The following ST3GAL1 variants were observed in gnomAD, a reference collection of about 807,000 sequenced individuals.
ST3GAL1 encodes the protein CMP-N-acetylneuraminate-beta-galactosamide-alpha-2,3-sialyltransferase 1.
A neutral mutation model predicts 34.1 loss-of-function variants in ST3GAL1; 16 were observed. That is an observed-to-expected ratio of 0.47 (90% CI 0.32 to 0.71). ST3GAL1 has a LOEUF of 0.71. Ranked by LOEUF, ST3GAL1 falls within the 30% of genes least tolerant of loss-of-function variation. The probability of loss-of-function intolerance (pLI) is 0.04; values close to 1 mark genes in which losing one functional copy is unlikely to be tolerated. For synonymous variants in ST3GAL1, 191 were observed against 184.7 expected (o/e 1.03, Z -0.28); for missense variants, 353 against 447.4 (o/e 0.79, Z 1.90).
At chr8:133,496,861 G>C (rs1040454576) in intron 3 of ST3GAL1, among the ~76,000 whole-genome samples, 25 of 152,214 alleles carry the variant, frequency 1.6e-4, no homozygotes, top group Non-Finnish European at 2.9e-5. Context: ...CCCCTCTTCC[G>C]AGTTCTTGGC....
At chr8:133,500,640 T>C (rs1817120996) in intron 2 of ST3GAL1, among the ~76,000 whole-genome samples, 2 of 152,174 alleles carry the variant, frequency 1.3e-5, no homozygotes, top group Admixed American at 1.3e-4. Context: ...TTAACCTCAC[T>C]GTGCCTCAGT....
At chr8:133,507,613 T>C (rs775511898) in intron 2 of ST3GAL1, among the ~76,000 whole-genome samples, 18 of 152,188 alleles carry the variant, frequency 1.2e-4, no homozygotes, top group Non-Finnish European at 2.6e-4. Flanking sequence ...TGGCACATTG[T>C]AGGGACATGA....
chr8:133,522,134 A>T (rs947995725), intron 2 of ST3GAL1, among the ~76,000 whole-genome samples: 1 of 152,206 alleles, frequency 6.6e-6, no homozygotes, highest in Non-Finnish European at 1.5e-5. Context: ...CAAGAGCTAT[A>T]TAGAATGGGG....
At chr8:133,465,808 C>T (rs920377408) in intron 6 of ST3GAL1, 86 bp downstream of exon 6, 10 of 1,483,136 alleles carry the variant, frequency 6.7e-6, no homozygotes, top group Admixed American at 2.0e-5. Flanking sequence ...ACCTTGCCTT[C>T]CTGAGCCTGA....
At chr8:133,473,045 C>T (rs1586593331) in intron 5 of ST3GAL1, among the ~76,000 whole-genome samples, 1 of 151,982 alleles carries the variant, frequency 6.6e-6, no homozygotes, top group Admixed American at 6.6e-5. Flanking sequence ...CCTGATGGGA[C>T]CTACAAACTC....
intron 1 of ST3GAL1, among the ~76,000 whole-genome samples, chr8:133,553,457 T>C (rs1252594558): frequency 1.3e-5 from 2 of 152,250 alleles, no homozygotes; most frequent in East Asian, 3.8e-4. Context: ...CTTTACCTGC[T>C]GTTCAAAAGG....
intron 5 of ST3GAL1, among the ~76,000 whole-genome samples, chr8:133,474,683 C>T (rs1385443754): frequency 6.6e-6 from 1 of 152,146 alleles, no homozygotes; most frequent in Non-Finnish European, 1.5e-5. Context: ...CGGGCTCTTG[C>T]ACCCGCTGTC....
chr8:133,534,466 C>G (rs1177275780), intron 2 of ST3GAL1, among the ~76,000 whole-genome samples: 1 of 152,128 alleles, frequency 6.6e-6, no homozygotes, highest in Non-Finnish European at 1.5e-5. Context: ...CTCCTTCACC[C>G]CATGCCATCC....
intron 2 of ST3GAL1, among the ~76,000 whole-genome samples, chr8:133,510,221 A>T (rs1453893408): frequency 6.6e-6 from 1 of 152,170 alleles, no homozygotes; most frequent in East Asian, 1.9e-4. Context: ...CTGAAGATGA[A>T]TCCTGGGGAA....
At chr8:133,524,472 G>A (rs1426150101) in intron 2 of ST3GAL1, among the ~76,000 whole-genome samples, 3 of 152,236 alleles carry the variant, frequency 2.0e-5, no homozygotes, top group Non-Finnish European at 4.4e-5. Context: ...TCTGTGGCCA[G>A]CAGCGCCTTC....
At chr8:133,564,271 G>C (rs1819327494) in intron 1 of ST3GAL1, among the ~76,000 whole-genome samples, 1 of 152,254 alleles carries the variant, frequency 6.6e-6, no homozygotes, top group African/African-American at 2.4e-5. Context: ...AAAGTAACCG[G>C]ATGTTAACTA....
intron 2 of ST3GAL1, among the ~76,000 whole-genome samples, chr8:133,541,202 T>C (rs1818519996): frequency 7.0e-6 from 1 of 143,558 alleles, no homozygotes; most frequent in African/African-American, 2.7e-5. Flanking sequence ...CTTTGTCTGA[T>C]TAGAGCAGTG....
chr8:133,495,707 T>C (rs1816924456), intron 3 of ST3GAL1, among the ~76,000 whole-genome samples: 1 of 152,198 alleles, frequency 6.6e-6, no homozygotes, highest in South Asian at 2.1e-4. Flanking sequence ...CACAAGATGG[T>C]GGATACCCCA....
intron 5 of ST3GAL1, among the ~76,000 whole-genome samples, chr8:133,468,218 C>T (rs1482049912): frequency 6.6e-6 from 1 of 152,154 alleles, no homozygotes; most frequent in African/African-American, 2.4e-5. Context: ...GCAACCCAGT[C>T]TCCAGCGATG....
Position 133,460,384 on chromosome 8 carries a change from T to G in ST3GAL1, c.850-447A>C, listed in dbSNP as rs564607908. On this transcript the variant is annotated intron_variant, in intron 9 of 9. Transcript: ENST00000522652. The stretch of plus-strand genomic sequence containing the variant: ...GGTGCCCTGGGCATGTGAAGTCACT[T>G]CTTTGAGCCTCACTTTCCTCATCTG... Among the ~76,000 whole-genome samples, 16 of 152,290 alleles carry G rather than the reference T, an allele frequency of 1.1e-4. No homozygotes were observed. In the East Asian group the frequency reaches 2.1e-3, roughly 20 times the overall value.
At chr8:133,473,317 C>T (rs1378912570) in intron 5 of ST3GAL1, among the ~76,000 whole-genome samples, 1 of 152,248 alleles carries the variant, frequency 6.6e-6, no homozygotes, top group Admixed American at 6.5e-5. Context: ...TTCTCTTTTG[C>T]AAAAGTCACC....
Position 133,459,932 on chromosome 8 carries a change from G to A in ST3GAL1, c.855C>T (p.Asp285=), listed in dbSNP as rs752114060. ...IFSMHVCDEV[D]LYGFGADSKG... ...TGCTGTCTGCCCCGAAGCCGTACAAGTCCACCTGTGGGAGCAAAGCAAAGA... is the reference window on the plus strand; with the variant it reads ...TGCTGTCTGCCCCGAAGCCGTACAAATCCACCTGTGGGAGCAAAGCAAAGA... Residue 285 remains aspartate (D), a synonymous_variant, in exon 10 of 10, where the codon GAC becomes GAT. Transcript: ENST00000522652. The surrounding 1 kb of genome is among the most constrained non-coding windows in gnomAD (Gnocchi z 4.7). 5.0e-6 allele frequency: 8 copies of A among 1,611,072 alleles called. No individual in the cohort carries two copies. The highest frequency in any genetic ancestry group is 1.1e-5 in the South Asian group (1 of 90,764).
intron 5 of ST3GAL1, among the ~76,000 whole-genome samples, chr8:133,468,562 G>A (rs1233347700): frequency 1.3e-5 from 2 of 152,314 alleles, no homozygotes; most frequent in East Asian, 3.9e-4. Context: ...AATGGTGATT[G>A]TTACACACAC....
At chr8:133,486,569 C>T (rs775918460) in intron 3 of ST3GAL1, among the ~76,000 whole-genome samples, 1 of 152,184 alleles carries the variant, frequency 6.6e-6, no homozygotes, top group Admixed American at 6.5e-5. Flanking sequence ...AGAAACAGGG[C>T]CACAGTGAGG....
Sources: gnomAD v4.1 joint callset for allele counts (sites outside exome capture counted in the v4.1 genomes callset) on GRCh38, gnomAD v4.1.1 for gene constraint, Gnocchi (gnomAD v3.1) non-coding constraint, MANE v1.5 for transcripts, NCBI Gene and HGNC (gene_info 2026-07-23, HGNC 2026-07-21) for gene names.